TMEM117: variants seen among roughly 807,000 people sequenced by gnomAD.
TMEM117 encodes transmembrane protein 117.
In TMEM117, 27 loss-of-function variants were observed where a neutral mutation model predicts 52.4. The observed-to-expected ratio is 0.51, with a 90% confidence interval of 0.38 to 0.71. The LOEUF is 0.71. Ranked by LOEUF, TMEM117 falls within the 30% of genes least tolerant of loss-of-function variation. The pLI is 0.00. For missense variants in TMEM117, 556 were observed against 630.5 expected, an observed-to-expected ratio of 0.88 and a Z score of 1.26; for synonymous variants, 215 against 206.3, an observed-to-expected ratio of 1.04 and a Z score of -0.36.
At chr12:43,805,084 A>T in the TMEM117 span, among the ~76,000 whole-genome samples, 7 of 152,362 alleles carry the variant, frequency 4.6e-5, no homozygotes, top group South Asian at 1.0e-3. Context: ...ATATTTTTCT[A>T]ACTTGCATTT....
chr12:44,211,442 T>G (rs1949644209), intron 5 of TMEM117, 55 bp downstream of exon 5: 1 of 1,251,704 alleles, frequency 8.0e-7, no homozygotes, highest in Non-Finnish European at 1.1e-6. Flanking sequence ...CTGAAGGACT[T>G]TAGTTGGATG....
intron 3 of TMEM117, among the ~76,000 whole-genome samples, chr12:43,991,163 G>A (rs563341017): frequency 6.6e-6 from 1 of 152,080 alleles, no homozygotes. Flanking sequence ...TCTTACTGGT[G>A]GAGAACCTTG....
At chr12:44,005,684 G>A (rs1946182904) in intron 3 of TMEM117, among the ~76,000 whole-genome samples, 2 of 152,168 alleles carry the variant, frequency 1.3e-5, no homozygotes, top group African/African-American at 4.8e-5. Context: ...GGGTGATATA[G>A]GTGATATAGT....
intron 3 of TMEM117, among the ~76,000 whole-genome samples, chr12:44,070,402 G>A (rs894122312): frequency 6.6e-6 from 1 of 152,204 alleles, no homozygotes; most frequent in African/African-American, 2.4e-5. Context: ...AAGGAAAGAT[G>A]AAACAGTTAA....
At chr12:44,371,740 A>C in intron 6 of TMEM117, among the ~76,000 whole-genome samples, 1 of 152,164 alleles carries the variant, frequency 6.6e-6, no homozygotes, top group Middle Eastern at 3.2e-3. Context: ...TCTCAATGAG[A>C]AAACATAGGG....
chr12:44,322,883 C>T (rs1465350254), intron 6 of TMEM117, among the ~76,000 whole-genome samples: 2 of 152,080 alleles, frequency 1.3e-5, no homozygotes, highest in Non-Finnish European at 2.9e-5. Context: ...TGTTAAGTTG[C>T]ATGGCAAAGG....
chr12:43,959,260 T>C (rs1945362680), intron 3 of TMEM117, among the ~76,000 whole-genome samples: 1 of 152,164 alleles, frequency 6.6e-6, no homozygotes, highest in African/African-American at 2.4e-5. Context: ...ACTTAGGCCT[T>C]AGCCTCTGGA....
intron 3 of TMEM117, among the ~76,000 whole-genome samples, chr12:43,989,569 T>G (rs1945904394): frequency 1.3e-5 from 2 of 152,078 alleles, no homozygotes; most frequent in African/African-American, 4.8e-5. Flanking sequence ...ATTAGAAATT[T>G]CAATTGCAAG....
intron 6 of TMEM117, among the ~76,000 whole-genome samples, chr12:44,364,157 C>A (rs1052120336): frequency 2.0e-5 from 3 of 152,140 alleles, no homozygotes; most frequent in African/African-American, 4.8e-5. Context: ...CTATGGTTCA[C>A]CAAGTACAAT....
intron 3 of TMEM117, among the ~76,000 whole-genome samples, chr12:44,024,525 A>G (rs866813637): frequency 5.3e-5 from 8 of 151,530 alleles, no homozygotes; most frequent in Middle Eastern, 6.8e-3. Context: ...AAAGCAGGGT[A>G]TATAACTAAA....
chr12:43,879,496 T>G (rs1162485462), intron 2 of TMEM117, among the ~76,000 whole-genome samples: 1 of 152,188 alleles, frequency 6.6e-6, no homozygotes, highest in Non-Finnish European at 1.5e-5. Context: ...CAAATATATT[T>G]TGCTATTGGA....
rs528662832 is a variant in TMEM117, at chr12:43,914,697, GTCTT to G, written c.278-29506_278-29503del. Among the ~76,000 whole-genome samples the G allele has an allele frequency of 5.4e-3, 820 of 152,206 alleles. 8 individuals are homozygous for G. Among genetic ancestry groups the G allele is most frequent in the African/African-American group, 0.019 (788 of 41,548 alleles). On this transcript the variant is annotated intron_variant, in intron 2 of 7. Transcript: ENST00000266534. ...AGCCGTGCCTGCTCTTTATTCTCCT[GTCTT>G]TCTTTCATTCATGAAATAAATCAAA...
At chr12:43,870,524 G>A (rs901989000) in intron 2 of TMEM117, among the ~76,000 whole-genome samples, 1 of 152,018 alleles carries the variant, frequency 6.6e-6, no homozygotes, top group Admixed American at 6.6e-5. Flanking sequence ...CTCCCAAAGT[G>A]CTGGGTTTAC....
At position 44,299,715 on chromosome 12, in the gene TMEM117, C is replaced by T. The variant is rs767883870; in HGVS notation, c.744C>T (p.Val248=). 2 of 1,614,134 alleles carry T rather than the reference C, an allele frequency of 1.2e-6. No homozygotes were observed. Among genetic ancestry groups the T allele is most frequent in the Non-Finnish European group, 1.7e-6 (2 of 1,180,004 alleles). The stretch of plus-strand genomic sequence containing the variant: ...CATTCCTTGCTTCTTTTATCTTGGT[C>T]TTTGACCTTCTTATTGTGATGCAGG... ...SRAFLASFIL[V]FDLLIVMQDW... The change falls in exon 6 of 8, where the codon GTC becomes GTT. Residue 248 remains valine, a synonymous_variant. Transcript: ENST00000266534.
At chr12:44,023,061 G>T (rs1946478382) in intron 3 of TMEM117, among the ~76,000 whole-genome samples, 1 of 152,118 alleles carries the variant, frequency 6.6e-6, no homozygotes, top group South Asian at 2.1e-4. Context: ...AGCAAAGACT[G>T]CCCTTGCATG....
chr12:44,218,490 C>T (rs1390934123), intron 5 of TMEM117, among the ~76,000 whole-genome samples: 3 of 152,208 alleles, frequency 2.0e-5, no homozygotes, highest in East Asian at 3.9e-4. Flanking sequence ...ACCCTCAACA[C>T]GATAAAGGTC....
intron 3 of TMEM117, among the ~76,000 whole-genome samples, chr12:44,045,496 A>G (rs1039665537): frequency 1.3e-5 from 2 of 152,176 alleles, no homozygotes; most frequent in African/African-American, 4.8e-5. Context: ...ATCCACCATC[A>G]TGGTATTCCA....
intron 4 of TMEM117, among the ~76,000 whole-genome samples, chr12:44,170,463 TA>T (rs992833136): frequency 2.6e-5 from 4 of 152,180 alleles, no homozygotes; most frequent in Non-Finnish European, 2.9e-5. Flanking sequence ...TTTTTTAAAT[TA>T]AAAAAAATCA....
intron 3 of TMEM117, among the ~76,000 whole-genome samples, chr12:44,058,864 G>A (rs1022163251): frequency 7.5e-5 from 11 of 147,302 alleles, no homozygotes; most frequent in African/African-American, 2.9e-4. Flanking sequence ...GAAATGATAT[G>A]TTTTAGTTTA....
Sources: allele counts gnomAD v4.1 joint callset (sites outside exome capture counted in the v4.1 genomes callset), GRCh38; gene constraint gnomAD v4.1.1; transcripts MANE v1.5; gene names NCBI Gene and HGNC (gene_info 2026-07-23, HGNC 2026-07-21).